The following TNNI3K variants were observed in gnomAD, a reference collection of about 807,000 sequenced individuals.
TNNI3K encodes serine/threonine-protein kinase TNNI3K.
A neutral mutation model predicts 114.5 loss-of-function variants in TNNI3K; 140 were observed. The observed-to-expected ratio is 1.22, with a 90% CI of 1.07 to 1.41. TNNI3K has a LOEUF of 1.41. Ranked by LOEUF, TNNI3K falls within the 40% of genes most tolerant of loss-of-function variation. TNNI3K has a pLI of 0.00. For missense variants in TNNI3K, 1,125 were observed against 1,007.6 expected, an observed-to-expected ratio of 1.12 and a Z score of -1.58; for synonymous variants, 347 against 347.5, an observed-to-expected ratio of 1.00 and a Z score of 0.02.
At chr1:74,257,062 CT>C (rs1164691988) in intron 4 of TNNI3K, among the ~76,000 whole-genome samples, 9 of 152,158 alleles carry the variant, frequency 5.9e-5, no homozygotes, top group Admixed American at 1.3e-4. Context: ...ACTGAGTCTG[CT>C]TTTTTTCTTC....
At chr1:74,246,535 G>GTAA (rs1654565146) in intron 2 of TNNI3K, among the ~76,000 whole-genome samples, 1 of 152,116 alleles carries the variant, frequency 6.6e-6, no homozygotes, top group Non-Finnish European at 1.5e-5. Flanking sequence ...TTCTTCCCTG[G>GTAA]TCTTTCTATT....
intron 21 of TNNI3K, chr1:74,475,686 A>G (rs1329463845): frequency 5.6e-6 from 4 of 714,864 alleles, no homozygotes; most frequent in Non-Finnish European, 1.0e-5. Context: ...TTCTTGCCTC[A>G]TGAGCACACA....
At chr1:74,260,408 C>G (rs2100869802) in intron 4 of TNNI3K, among the ~76,000 whole-genome samples, 1 of 152,246 alleles carries the variant, frequency 6.6e-6, no homozygotes, top group Non-Finnish European at 1.5e-5. Context: ...AGCTTAGAAG[C>G]TAGAATACTT....
chr1:74,394,587 G>A (rs187416705), intron 17 of TNNI3K, among the ~76,000 whole-genome samples: 41 of 152,262 alleles, frequency 2.7e-4, no homozygotes, highest in Admixed American at 2.2e-3. Context: ...AAGAAGTTTA[G>A]TCTAAGATGA....
Position 74,535,526 on chromosome 1 carries a change from G to A in TNNI3K, c.2352-4708G>A, listed in dbSNP as rs139247119. On this transcript the variant is annotated intron_variant, in intron 23 of 24. Coordinates refer to ENST00000326637, the MANE Select transcript of TNNI3K (RefSeq NM_015978.3). ...TGTAAGAAATGGAGGAATCTGGGAC[G>A]TCACTTGTCACATCTTGTGACCTCC... 4.0e-3 allele frequency among the ~76,000 whole-genome samples: 610 copies of A among 152,144 alleles called. 5 individuals are homozygous for A. The highest frequency in any genetic ancestry group is 0.014 in the African/African-American group (574 of 41,512).
At chr1:74,252,902 C>A (rs1203176388) in intron 4 of TNNI3K, among the ~76,000 whole-genome samples, 1 of 152,196 alleles carries the variant, frequency 6.6e-6, no homozygotes, top group Non-Finnish European at 1.5e-5. Flanking sequence ...GAGTGGGTTG[C>A]CACTGCTTGT....
In TNNI3K at chr1:74,353,990, T is replaced by C; in HGVS notation, c.1038T>C (p.Ser346=). The stretch of plus-strand genomic sequence containing the variant: ...TCTTTTCTATTACAGGATTACACTC[T>C]GCTTGCTACCACGGTCACATTCGCC... ...QGRDGHTGLH[S]ACYHGHIRLV... Residue 346 remains serine (S), a synonymous_variant, in exon 11 of 25, where the codon TCT becomes TCC. Transcript: ENST00000326637. The C allele has an allele frequency of 2.5e-6, 4 of 1,613,836 alleles. No individual in the cohort carries two copies. The East Asian group carries it at 6.7e-5, about 27-fold the overall frequency.
At chr1:74,360,759 T>C (rs1287078266) in intron 11 of TNNI3K, among the ~76,000 whole-genome samples, 18 of 152,098 alleles carry the variant, frequency 1.2e-4, no homozygotes, top group Admixed American at 1.2e-3. Context: ...AAGTCTTCCC[T>C]GACATTCCAG....
intron 21 of TNNI3K, among the ~76,000 whole-genome samples, chr1:74,464,479 C>A (rs1667583368): frequency 6.6e-6 from 1 of 152,170 alleles, no homozygotes; most frequent in Non-Finnish European, 1.5e-5. Context: ...TAAATTATAA[C>A]TTTGTTTCTG....
intron 5 of TNNI3K, among the ~76,000 whole-genome samples, chr1:74,305,085 A>G (rs573505566): frequency 2.0e-4 from 30 of 152,338 alleles, no homozygotes; most frequent in Admixed American, 3.9e-4. Flanking sequence ...TCAGATATCT[A>G]TTCTTGTTGG....
chr1:74,378,663 A>G (rs1663047591), intron 17 of TNNI3K: 1 of 129,006 alleles, frequency 7.8e-6, no homozygotes, highest in Non-Finnish European at 1.6e-5. Context: ...ACCTCAGCTA[A>G]TCCCCAAGGG....
At chr1:74,362,462 GT>G (rs1021866869) in intron 11 of TNNI3K, among the ~76,000 whole-genome samples, 14 of 151,784 alleles carry the variant, frequency 9.2e-5, no homozygotes, top group African/African-American at 3.4e-4. Flanking sequence ...CTTAGTACTG[GT>G]GTCATTTACC....
At chr1:74,528,054 C>T (rs994481018) in intron 23 of TNNI3K, among the ~76,000 whole-genome samples, 1 of 152,100 alleles carries the variant, frequency 6.6e-6, no homozygotes, top group Non-Finnish European at 1.5e-5. Context: ...AGATCAGAAT[C>T]GAAGCCCAGG....
intron 5 of TNNI3K, among the ~76,000 whole-genome samples, chr1:74,301,189 C>G (rs1440302910): frequency 1.3e-5 from 2 of 152,116 alleles, no homozygotes; most frequent in Non-Finnish European, 2.9e-5. Context: ...CACCTGAGGT[C>G]AGGAGTTTGA....
At chr1:74,528,350 T>C (rs1646534592) in intron 23 of TNNI3K, among the ~76,000 whole-genome samples, 2 of 152,022 alleles carry the variant, frequency 1.3e-5, no homozygotes, top group African/African-American at 4.8e-5. Flanking sequence ...GATCCCCAGG[T>C]AAGTGAGGAG....
intron 20 of TNNI3K, among the ~76,000 whole-genome samples, chr1:74,462,051 G>A (rs555680777): frequency 6.6e-6 from 1 of 152,258 alleles, no homozygotes; most frequent in Non-Finnish European, 1.5e-5. Context: ...ATGATGTAAA[G>A]TATAAGAAAT....
chr1:74,476,571 A>G (rs1456062343), intron 21 of TNNI3K, among the ~76,000 whole-genome samples: 1 of 152,178 alleles, frequency 6.6e-6, no homozygotes, highest in Non-Finnish European at 1.5e-5. Flanking sequence ...AGAAATATTT[A>G]TTAAATATTC....
At chr1:74,351,069 C>T (rs1661310287) in intron 9 of TNNI3K, among the ~76,000 whole-genome samples, 2 of 151,492 alleles carry the variant, frequency 1.3e-5, no homozygotes, top group South Asian at 4.2e-4. Context: ...CCTTGATGGT[C>T]TTTACAATTT....
chr1:74,518,375 T>G (rs976296718), intron 23 of TNNI3K, among the ~76,000 whole-genome samples: 1 of 152,178 alleles, frequency 6.6e-6, no homozygotes. Flanking sequence ...TTTTTATTTA[T>G]GAGATTTCCA....
Sources: gnomAD v4.1 joint callset for allele counts (sites outside exome capture counted in the v4.1 genomes callset) on GRCh38, gnomAD v4.1.1 for gene constraint, MANE v1.5 for transcripts, NCBI Gene and HGNC (gene_info 2026-07-23, HGNC 2026-07-21) for gene names.